The following ADRA1A variants were observed in gnomAD, a reference collection of about 807,000 sequenced individuals.
The protein encoded by ADRA1A is adrenoceptor alpha 1A.
In ADRA1A, 31 loss-of-function variants were observed where a neutral mutation model predicts 29.6. The observed-to-expected ratio is 1.05, with a 90% CI of 0.79 to 1.41. The LOEUF (loss-of-function observed/expected upper bound fraction) is 1.41, where lower values mean the gene tolerates loss of function less well. Among genes scored for constraint, ADRA1A ranks in the 40% most tolerant of loss-of-function variants. The pLI is 0.00. For missense variants in ADRA1A, 619 were observed against 601.1 expected (o/e 1.03, Z -0.31); for synonymous variants, 311 against 254.3 (o/e 1.22, Z -2.12).
intron 2 of ADRA1A, among the ~76,000 whole-genome samples, chr8:26,838,727 TA>T (rs1811573397): frequency 6.6e-6 from 1 of 152,204 alleles, no homozygotes; most frequent in Non-Finnish European, 1.5e-5. Context: ...ATGCCATTAC[TA>T]TCAAAAAAGT....
rs61759740 is a variant in ADRA1A, at chr8:26,768,969, C to G, written c.*1180G>C. 3 of 985,274 alleles carry G rather than the reference C, an allele frequency of 3.0e-6. No individual in the cohort carries two copies. The highest frequency in any genetic ancestry group is 4.7e-5 in the South Asian group (1 of 21,290). The allele number at this position is 985,274 out of a possible 1,614,324, so 61.0% of individuals were successfully genotyped here. A position where few individuals can be genotyped will look rare whatever the true frequency, so the allele number is the denominator to read the frequency against. ...TTCTATCAAAAAATGTTTGCAAACT[C>G]CTGCGTTAGACAGTTCTTTGGTGAT... On this transcript the variant is annotated 3_prime_UTR_variant, in exon 3 of 3. Transcript: ENST00000380573.
rs1443545297 is a variant in ADRA1A at position 26,866,788 on chromosome 8, A to G, written c.-687+148T>C. On this transcript the variant is annotated intron_variant, in intron 1 of 2. Transcript: ENST00000380573. The surrounding 1 kb of genome is among the most constrained non-coding windows in gnomAD (Gnocchi z 5.7). ...GCAACTTCGCAGAAGATGTAAGGGA[A>G]TCGGGGGTGGGGTAGAGGGGCCGGT... 1.1e-5 allele frequency: 7 copies of G among 664,778 alleles called. No individual in the cohort carries two copies. Among genetic ancestry groups the G allele is most frequent in the Non-Finnish European group, 1.3e-5 (7 of 536,422 alleles). The allele number at this position is 664,778 out of a possible 1,614,324, so 41.2% of individuals were successfully genotyped here.
intron 2 of ADRA1A, among the ~76,000 whole-genome samples, chr8:26,840,022 A>T (rs1554509322): frequency 6.6e-6 from 1 of 152,244 alleles, no homozygotes; most frequent in Non-Finnish European, 1.5e-5. Context: ...ATTCTGGGTG[A>T]ATCACAGGAA....
intron 2 of ADRA1A, among the ~76,000 whole-genome samples, chr8:26,789,196 T>G (rs1766267181): frequency 6.6e-6 from 1 of 151,682 alleles, no homozygotes; most frequent in Admixed American, 6.6e-5. Flanking sequence ...AGACCCCAAA[T>G]GGCCAAAGCA....
At chr8:26,822,651 G>T (rs1810255220) in intron 2 of ADRA1A, among the ~76,000 whole-genome samples, 1 of 152,188 alleles carries the variant, frequency 6.6e-6, no homozygotes, top group Non-Finnish European at 1.5e-5. Context: ...ACTCAAGGAT[G>T]GTTTAGATAC....
At chr8:26,790,295 G>A (rs1807721177) in intron 2 of ADRA1A, among the ~76,000 whole-genome samples, 1 of 152,158 alleles carries the variant, frequency 6.6e-6, no homozygotes, top group Admixed American at 6.6e-5. Context: ...ATGAAATTCT[G>A]TCATTTGTGG....
intron 2 of ADRA1A, among the ~76,000 whole-genome samples, chr8:26,846,943 A>G (rs927681362): frequency 6.6e-6 from 1 of 152,208 alleles, no homozygotes; most frequent in African/African-American, 2.4e-5. Context: ...ATTGGAAATC[A>G]TCATTCTCAG....
At chr8:26,788,311 T>C (rs941422442) in intron 2 of ADRA1A, among the ~76,000 whole-genome samples, 3 of 152,246 alleles carry the variant, frequency 2.0e-5, no homozygotes, top group Middle Eastern at 3.2e-3. Flanking sequence ...GTTTATTACA[T>C]AGGATTTCTT....
intron 2 of ADRA1A, among the ~76,000 whole-genome samples, chr8:26,852,858 C>T (rs995918660): frequency 6.6e-6 from 1 of 152,066 alleles, no homozygotes; most frequent in African/African-American, 2.4e-5. Flanking sequence ...AAAGACAGTG[C>T]ATTAACGTAA....
At chr8:26,840,803 C>A (rs947692524) in intron 2 of ADRA1A, among the ~76,000 whole-genome samples, 4 of 152,034 alleles carry the variant, frequency 2.6e-5, no homozygotes, top group African/African-American at 7.2e-5. Flanking sequence ...ATTTTTGTCC[C>A]CTATGGAGGC....
chr8:26,772,249 G>C (rs1249226677), intron 2 of ADRA1A: 1 of 152,092 alleles, frequency 6.6e-6, no homozygotes, highest in Non-Finnish European at 1.5e-5. Flanking sequence ...TGGATAAAGG[G>C]TATGGGACTC....
At chr8:26,797,930 G>C (rs1420420697) in intron 2 of ADRA1A, among the ~76,000 whole-genome samples, 1 of 152,072 alleles carries the variant, frequency 6.6e-6, no homozygotes, top group Admixed American at 6.6e-5. Flanking sequence ...AGGTGGTCAA[G>C]GTGGAGGTCT....
rs1307384675 is a variant in ADRA1A, at chr8:26,866,224, G to C, written c.-686-569C>G. Among the ~76,000 whole-genome samples, 3 of 152,216 alleles carry C rather than the reference G, an allele frequency of 2.0e-5. No homozygotes were observed. Among genetic ancestry groups the C allele is most frequent in the Admixed American group, 6.5e-5 (1 of 15,286 alleles). On this transcript the variant is annotated intron_variant, in intron 1 of 2. Coordinates refer to ENST00000380573, the MANE Select transcript of ADRA1A (RefSeq NM_000680.4). This position sits in a 1 kb window ranked among gnomAD's most constrained non-coding sequence, Gnocchi z 5.7. ...GCAGAGCGCACCGGTCTGTCCACCA[G>C]CCAAGCTGGCTTGAGAGCCAGGTCC...
chr8:26,810,504 T>G (rs1428167470), intron 2 of ADRA1A, among the ~76,000 whole-genome samples: 1 of 152,216 alleles, frequency 6.6e-6, no homozygotes, highest in Non-Finnish European at 1.5e-5. Context: ...AAGGTAACAG[T>G]ATTTACGGGA....
intron 2 of ADRA1A, among the ~76,000 whole-genome samples, chr8:26,817,691 T>C (rs1229728092): frequency 1.3e-5 from 2 of 152,110 alleles, no homozygotes; most frequent in African/African-American, 2.4e-5. Flanking sequence ...CATTGGAGGA[T>C]TGATTGAGCC....
chr8:26,770,282 C>G lies in ADRA1A; in HGVS notation c.1268G>C (p.Arg423Pro). 6.2e-7 allele frequency: 1 copy of G among 1,614,196 alleles called. No individual in the cohort carries two copies. The highest frequency in any genetic ancestry group is 8.5e-7 in the Non-Finnish European group (1 of 1,180,024). The change falls in exon 3 of 3, where the codon CGG (arginine) becomes CCG (proline). Residue 423 changes from arginine (R) to proline (P), a missense_variant. Physicochemically the swap from Arg to Pro is moderately radical, Grantham distance 103 (BLOSUM62 -2). Transcript: ENST00000380573. ...CTGCAAAAAGCTTTTACTTCTCACC[C>G]GGGCTGTGGTACAGGAGGATTGGTC... ...SKDQSSCTTA[R>P]VRSKSFLQVC...
chr8:26,803,252 G>A (rs1172224430), intron 2 of ADRA1A, among the ~76,000 whole-genome samples: 2 of 152,146 alleles, frequency 1.3e-5, no homozygotes, highest in Non-Finnish European at 2.9e-5. Flanking sequence ...TGTAAAACAA[G>A]AAATGATGAA....
intron 2 of ADRA1A, among the ~76,000 whole-genome samples, chr8:26,759,794 T>C (rs1264716195): frequency 6.6e-6 from 1 of 152,230 alleles, no homozygotes. Context: ...TTTTTAAAGA[T>C]AAATCAATAA....
At chr8:26,862,704 A>G (rs1813573660) in intron 2 of ADRA1A, among the ~76,000 whole-genome samples, 1 of 152,244 alleles carries the variant, frequency 6.6e-6, no homozygotes, top group Non-Finnish European at 1.5e-5. Context: ...TGGCAGCCCT[A>G]CAGGACAGAC....
Sources: allele counts gnomAD v4.1 joint callset (sites outside exome capture counted in the v4.1 genomes callset), GRCh38; gene constraint gnomAD v4.1.1; non-coding constraint Gnocchi (gnomAD v3.1); transcripts MANE v1.5; gene names NCBI Gene and HGNC (gene_info 2026-07-23, HGNC 2026-07-21).